Variants in DEPDC4 observed in about 807,000 individuals in gnomAD.
DEPDC4 encodes the protein DEP domain containing 4, also known as DEP domain-containing protein 4.
Under a neutral mutation model 52.0 loss-of-function variants are expected in DEPDC4, and 52 were observed. The ratio of observed to expected loss-of-function variants is 1.00; its 90% CI spans 0.80 to 1.26. The LOEUF (loss-of-function observed/expected upper bound fraction) is 1.26. DEPDC4 is among the 50% of genes most tolerant of loss of function. DEPDC4 has a pLI of 0.00. For missense variants in DEPDC4, 530 were observed against 546.9 expected (o/e 0.97, Z 0.31); for synonymous variants, 201 against 196.8 (o/e 1.02, Z -0.18).
At chr12:100,273,837 A>G in the DEPDC4 span, among the ~76,000 whole-genome samples, 1 of 152,240 alleles carries the variant, frequency 6.6e-6, no homozygotes, top group Non-Finnish European at 1.5e-5. Context: ...TGAGTCTGCT[A>G]TTGGACGGAG....
At chr12:100,266,878 C>T in intron 1 of DEPDC4, 42 bp downstream of exon 1, 1 of 1,590,400 alleles carries the variant, frequency 6.3e-7, no homozygotes, top group Non-Finnish European at 8.6e-7. Context: ...CAGCTGCCCC[C>T]TCCACCTTCA....
At chr12:100,265,481 A>G (rs1209819588) in intron 1 of DEPDC4, among the ~76,000 whole-genome samples, 1 of 152,148 alleles carries the variant, frequency 6.6e-6, no homozygotes, top group East Asian at 1.9e-4. Context: ...CTGTAATCCC[A>G]GCTACTTGGG....
chr12:100,267,253 G>C (rs1293093193), upstream of DEPDC4: 2 of 644,070 alleles, frequency 3.1e-6, no homozygotes, highest in Non-Finnish European at 5.1e-6. Context: ...TCCGACGTTT[G>C]CGGCCGCGGG....
chr12:100,263,654 A>G lies in DEPDC4; in HGVS notation c.397T>C (p.Phe133Leu). 6.2e-7 allele frequency: 1 copy of G among 1,614,048 alleles called. No homozygotes were observed. The highest frequency in any genetic ancestry group is 8.5e-7 in the Non-Finnish European group (1 of 1,180,006). Residue 133 changes from phenylalanine to leucine, a missense_variant, in exon 2 of 10, where the codon TTT becomes CTT. Phe to Leu is a conservative substitution (Grantham distance 22, BLOSUM62 0). Transcript: ENST00000550587. Reference protein sequence around the residue: ...LCQVLMNHKVFEPVGMKKLFK... With the variant: ...LCQVLMNHKVLEPVGMKKLFK... ...AGCTTCTTCATTCCTACTGGTTCAA[A>G]TACTTTGTGATTCATTAGAACTTGG...
chr12:100,247,811 A>G (rs2153906642), intron 8 of DEPDC4, among the ~76,000 whole-genome samples: 1 of 152,342 alleles, frequency 6.6e-6, no homozygotes, highest in Non-Finnish European at 1.5e-5. Context: ...CTATTAGCTG[A>G]GAAATTCCAA....
chr12:100,252,615 TA>T, intron 5 of DEPDC4, 79 bp from the exon 6 acceptor site: 2 of 1,364,132 alleles, frequency 1.5e-6, no homozygotes, highest in South Asian at 3.0e-5. Context: ...AGTAGTCAAT[TA>T]AAATGCTACA....
Position 100,253,516 on chromosome 12 carries a change from T to C in DEPDC4, c.1078A>G (p.Ile360Val). The C allele has an allele frequency of 3.9e-6, 5 of 1,279,398 alleles. No homozygotes were observed. The South Asian group carries it at 5.0e-5, about 13-fold the overall frequency. 79.3% of individuals were successfully genotyped at this position (1,279,398 alleles called of 1,614,324 possible). A position where few individuals can be genotyped will look rare whatever the true frequency, so the allele number is the denominator to read the frequency against. Residue 360 changes from isoleucine (I) to valine (V), a missense_variant, in exon 5 of 10, where the codon ATT (isoleucine) becomes GTT (valine). Ile to Val is a conservative substitution (Grantham distance 29). Transcript: ENST00000550587. ...AAAAGTTCAATAATTCCTGAATGAATATCAAAATACTCATCAGTTAATAGG... is the reference window on the plus strand; with the variant it reads ...AAAAGTTCAATAATTCCTGAATGAACATCAAAATACTCATCAGTTAATAGG... Reference protein sequence around the residue: ...DCLLTDEYFDIHSGIIELLEN... With the variant: ...DCLLTDEYFDVHSGIIELLEN...
At chr12:100,261,059 T>C (rs983069661) in intron 3 of DEPDC4, among the ~76,000 whole-genome samples, 1 of 151,592 alleles carries the variant, frequency 6.6e-6, no homozygotes, top group African/African-American at 2.4e-5. Flanking sequence ...CGGGCGCCTA[T>C]AGTCCCAGCT....
At chr12:100,266,416 G>C (rs1452812076) in intron 1 of DEPDC4, among the ~76,000 whole-genome samples, 1 of 152,108 alleles carries the variant, frequency 6.6e-6, no homozygotes, top group Non-Finnish European at 1.5e-5. Context: ...GTACTCGACG[G>C]GGTAGGTGGA....
the DEPDC4 span, among the ~76,000 whole-genome samples, chr12:100,277,223 G>A: frequency 6.6e-6 from 1 of 152,158 alleles, no homozygotes; most frequent in African/African-American, 2.4e-5. Context: ...AATGTTACAT[G>A]TCTGCATGAA....
At position 100,263,531 on chromosome 12, in the gene DEPDC4, TTTGTC is replaced by T. The variant is rs2096261189; in HGVS notation, c.515_519del (p.Arg172LysfsTer4). The T allele has an allele frequency of 1.2e-6, 2 of 1,602,614 alleles. No individual in the cohort carries two copies. The highest frequency in any genetic ancestry group is 2.3e-5 in the South Asian group (2 of 88,816). On this transcript the variant is annotated frameshift_variant, in exon 2 of 10. Transcript: ENST00000550587. LOFTEE classifies it high-confidence loss of function. ...TCATTGAACTCATTCTCAGCATCCT[TTTGTC>T]TTTTGCAACAATCGTAAGATGATTT...
chr12:100,233,286 A>G (rs1274744269), intron 9 of DEPDC4, among the ~76,000 whole-genome samples: 1 of 152,142 alleles, frequency 6.6e-6, no homozygotes, highest in East Asian at 1.9e-4. Flanking sequence ...TCATGTATGC[A>G]TATGCATACA....
intron 7 of DEPDC4, among the ~76,000 whole-genome samples, chr12:100,251,290 G>T (rs1056985054): frequency 6.6e-6 from 1 of 151,978 alleles, no homozygotes; most frequent in African/African-American, 2.4e-5. Flanking sequence ...AGAGGCTTTG[G>T]AGAAATAACA....
chr12:100,253,208 G>A (rs1211428317), intron 5 of DEPDC4, among the ~76,000 whole-genome samples: 3 of 152,180 alleles, frequency 2.0e-5, no homozygotes, highest in African/African-American at 4.8e-5. Flanking sequence ...GTGAGCCATC[G>A]CTCCTGGCTA....
chr12:100,254,466 T>C (rs1336227748), intron 4 of DEPDC4, among the ~76,000 whole-genome samples: 1 of 151,770 alleles, frequency 6.6e-6, no homozygotes, highest in East Asian at 1.9e-4. Context: ...GCCAGGACTA[T>C]AGGCGTGCAC....
chr12:100,280,833 C>T, the DEPDC4 span, among the ~76,000 whole-genome samples: 1 of 151,930 alleles, frequency 6.6e-6, no homozygotes, highest in East Asian at 1.9e-4. Flanking sequence ...CACTTCTGGT[C>T]CCAAGCATTT....
intron 4 of DEPDC4, among the ~76,000 whole-genome samples, chr12:100,254,450 C>T (rs1012060771): frequency 6.0e-5 from 9 of 150,174 alleles, no homozygotes; most frequent in African/African-American, 2.2e-4. Flanking sequence ...TTCAGTCTCC[C>T]GAGTAGCCAG....
chr12:100,242,707 T>C (rs7958895), intron 8 of DEPDC4, 138 bp from the exon 9 acceptor site: 22,825 of 154,800 alleles, frequency 0.15, 2,173 homozygotes, highest in Non-Finnish European at 0.21. Context: ...GTCAACTTTC[T>C]TCAGTCTCAG....
intron 1 of DEPDC4, among the ~76,000 whole-genome samples, 183 bp downstream of exon 1, chr12:100,266,737 C>T (rs2096275263): frequency 6.6e-6 from 1 of 152,226 alleles, no homozygotes; most frequent in African/African-American, 2.4e-5. Context: ...CACTTCACCA[C>T]AGTAACCCCT....
Sources: gnomAD v4.1 joint callset for allele counts (sites outside exome capture counted in the v4.1 genomes callset) on GRCh38, gnomAD v4.1.1 for gene constraint, MANE v1.5 for transcripts, NCBI Gene and HGNC (gene_info 2026-07-23, HGNC 2026-07-21) for gene names.